VAMP7: variants seen among roughly 807,000 people sequenced by gnomAD.
The protein encoded by VAMP7 is vesicle associated membrane protein 7.
VAMP7 carries 14 observed loss-of-function variants against 29.6 expected under a neutral mutation model. The ratio of observed to expected loss-of-function variants is 0.47; its 90% CI spans 0.31 to 0.74. The LOEUF (loss-of-function observed/expected upper bound fraction) is 0.74. VAMP7 is among the 30% of genes least tolerant of loss of function. VAMP7 has a pLI of 0.05. For missense variants in VAMP7, 223 were observed against 262.4 expected (o/e 0.85, Z 1.04); for synonymous variants, 95 against 88.1 (o/e 1.08, Z -0.44).
intron 5 of VAMP7, among the ~76,000 whole-genome samples, chrX:155,903,760 A>C (rs2066104481): frequency 6.6e-6 from 1 of 152,170 alleles, no homozygotes; most frequent in African/African-American, 2.4e-5. Context: ...AGTTGGTCGG[A>C]CTGTAAACTA....
chrX:155,896,009 C>T (rs761880975), intron 3 of VAMP7, among the ~76,000 whole-genome samples: 3 of 152,272 alleles, frequency 2.0e-5, no homozygotes, highest in East Asian at 1.9e-4. Context: ...ATCCCGAAAC[C>T]ATTCACCCTC....
chrX:155,920,429 A>T (rs1301448946), intron 6 of VAMP7, among the ~76,000 whole-genome samples: 5 of 152,156 alleles, frequency 3.3e-5, no homozygotes. Flanking sequence ...TGTGGATGAA[A>T]GTTTTAAGGA....
chrX:155,928,758 A>G (rs2066506667), intron 6 of VAMP7, among the ~76,000 whole-genome samples: 1 of 152,190 alleles, frequency 6.6e-6, no homozygotes, highest in Non-Finnish European at 1.5e-5. Context: ...GCAACATTTA[A>G]CAATTGTTCT....
At chrX:155,918,009 A>T (rs986734791) in intron 5 of VAMP7, among the ~76,000 whole-genome samples, 1 of 152,088 alleles carries the variant, frequency 6.6e-6, no homozygotes, top group Non-Finnish European at 1.5e-5. Flanking sequence ...CGCTGCCCAG[A>T]GAGGAGGAAT....
intron 2 of VAMP7, among the ~76,000 whole-genome samples, chrX:155,889,910 T>C (rs879137638): frequency 6.6e-6 from 1 of 151,548 alleles, no homozygotes; most frequent in Admixed American, 6.6e-5. Flanking sequence ...ATAAGATAGA[T>C]AATGTTCCTT....
At chrX:155,926,327 T>A (rs1012981543) in intron 6 of VAMP7, among the ~76,000 whole-genome samples, 1 of 152,244 alleles carries the variant, frequency 6.6e-6, no homozygotes, top group Non-Finnish European at 1.5e-5. Flanking sequence ...TTATCAATGA[T>A]CTTAGCTAGG....
At chrX:155,919,979 G>T in intron 6 of VAMP7, 99 bp downstream of exon 6, 1 of 1,034,094 alleles carries the variant, frequency 9.7e-7, no homozygotes, top group Non-Finnish European at 1.4e-6. Context: ...CAAATATTTG[G>T]TGGTTTTTTT....
chrX:155,899,591 T>G (rs2066033784), intron 4 of VAMP7, among the ~76,000 whole-genome samples: 1 of 151,962 alleles, frequency 6.6e-6, no homozygotes, highest in Non-Finnish European at 1.5e-5. Context: ...TAAAGTCCCT[T>G]TAAATTGGTT....
chrX:155,939,801 T>C lies in VAMP7; in HGVS notation c.594+8T>C, dbSNP rs748846594. ...ATCATCATCGTATCAATTGTAAGTT[T>C]TTGTCCTTTTAGTGTATGGCTTTAT... is the stretch of plus-strand genomic sequence containing the variant. On this transcript the variant is annotated splice_region_variant and intron_variant, in intron 7 of 7. Coordinates refer to ENST00000286448, the MANE Select transcript of VAMP7 (RefSeq NM_005638.6). 11 of 1,607,490 alleles carry C rather than the reference T, an allele frequency of 6.8e-6. No homozygotes were observed. The Admixed American group carries it at 1.3e-4, about 19-fold the overall frequency.
At chrX:155,915,688 T>C (rs930968400) in intron 5 of VAMP7, among the ~76,000 whole-genome samples, 1 of 152,228 alleles carries the variant, frequency 6.6e-6, no homozygotes, top group African/African-American at 2.4e-5. Flanking sequence ...GTGAGTTTCT[T>C]AATCCTGAGT....
intron 1 of VAMP7, 115 bp from the exon 2 acceptor site, chrX:155,889,343 A>T: frequency 7.2e-7 from 1 of 1,396,084 alleles, no homozygotes; most frequent in Non-Finnish European, 9.7e-7. Context: ...GTTTCATGTT[A>T]TAGTGCCTCG....
chrX:155,895,766 A>G (rs2065979423), intron 3 of VAMP7, 86 bp downstream of exon 3: 17 of 1,188,638 alleles, frequency 1.4e-5, no homozygotes, highest in Non-Finnish European at 2.0e-5. Flanking sequence ...GGGGTCCCCA[A>G]CCCCCAGGCT....
intron 6 of VAMP7, among the ~76,000 whole-genome samples, chrX:155,920,989 T>C (rs1285247704): frequency 2.6e-5 from 4 of 152,126 alleles, no homozygotes; most frequent in Non-Finnish European, 5.9e-5. Flanking sequence ...GTTCTAGATC[T>C]CACTTTGTGA....
intron 2 of VAMP7, among the ~76,000 whole-genome samples, chrX:155,891,660 C>T (rs1428173554): frequency 6.6e-6 from 1 of 152,226 alleles, no homozygotes; most frequent in African/African-American, 2.4e-5. Context: ...CAAAGACTCC[C>T]TATTCTGACC....
chrX:155,921,150 G>A (rs2066390244), intron 6 of VAMP7, among the ~76,000 whole-genome samples: 1 of 152,104 alleles, frequency 6.6e-6, no homozygotes, highest in Non-Finnish European at 1.5e-5. Context: ...ACCAATAGTA[G>A]TATGATCTGT....
At chrX:155,882,752 T>C (rs1022362346) in intron 1 of VAMP7, among the ~76,000 whole-genome samples, 2 of 152,240 alleles carry the variant, frequency 1.3e-5, no homozygotes, top group African/African-American at 4.8e-5. Context: ...ATTTATAGTA[T>C]ATTTTAAAAC....
At chrX:155,924,645 T>G (rs1217184887) in intron 6 of VAMP7, among the ~76,000 whole-genome samples, 1 of 152,158 alleles carries the variant, frequency 6.6e-6, no homozygotes, top group African/African-American at 2.4e-5. Context: ...GCCTTAATCT[T>G]TTTGCTGGTG....
At chrX:155,901,853 G>C (rs1014884192) in intron 5 of VAMP7, among the ~76,000 whole-genome samples, 1 of 152,010 alleles carries the variant, frequency 6.6e-6, no homozygotes, top group South Asian at 2.1e-4. Flanking sequence ...TTGGTGATGC[G>C]GGCTCTTTTT....
At chrX:155,931,270 C>T (rs2066549881) in intron 6 of VAMP7, among the ~76,000 whole-genome samples, 1 of 152,112 alleles carries the variant, frequency 6.6e-6, no homozygotes, top group African/African-American at 2.4e-5. Flanking sequence ...CTTCTAGATC[C>T]CTGAGGAATC....
Sources: allele counts gnomAD v4.1 joint callset (sites outside exome capture counted in the v4.1 genomes callset), GRCh38; gene constraint gnomAD v4.1.1; transcripts MANE v1.5; gene names NCBI Gene and HGNC (gene_info 2026-07-23, HGNC 2026-07-21).